The following NKAIN3 variants were observed in gnomAD, a reference collection of about 807,000 sequenced individuals.
The protein encoded by NKAIN3 is sodium/potassium-transporting ATPase subunit beta-1-interacting protein 3.
NKAIN3 carries 25 observed loss-of-function variants against 30.2 expected under a neutral mutation model. That is an observed-to-expected ratio of 0.83 (90% CI 0.60 to 1.16). The LOEUF (loss-of-function observed/expected upper bound fraction) is 1.16. Ranked by LOEUF, NKAIN3 falls within the 50% of genes most tolerant of loss-of-function variation. The pLI is 0.00. For missense variants in NKAIN3, 225 were observed against 254.1 expected (o/e 0.89, Z 0.78); for synonymous variants, 91 against 89.6 (o/e 1.02, Z -0.09).
In NKAIN3 at chr8:62,294,439, T is replaced by C. The variant is rs573602986; in HGVS notation, c.54+45312T>C. Among the ~76,000 whole-genome samples, 55 of 152,286 alleles carry C rather than the reference T, an allele frequency of 3.6e-4. 1 individual carries two copies. In the South Asian group the frequency reaches 0.011, roughly 31 times the overall value. On this transcript the variant is annotated intron_variant, in intron 1 of 6. Transcript: ENST00000623646. ...TGATGGAGAGTATCTTTCCCTCATATTCAGTATTTTTTATTTGACTACACA... is the reference window on the plus strand; with the variant it reads ...TGATGGAGAGTATCTTTCCCTCATACTCAGTATTTTTTATTTGACTACACA...
Position 62,874,027 on chromosome 8 carries a change from A to C in NKAIN3, c.472-44426A>C, listed in dbSNP as rs149646390. ...GATAGAGACATGAAAAACCCTCCAA[A>C]AAATCAACGAATTCAGGAGCTGGTT... On this transcript the variant is annotated intron_variant, in intron 4 of 6. Transcript: ENST00000623646. 2.9e-3 allele frequency among the ~76,000 whole-genome samples: 448 copies of C among 152,242 alleles called. 1 individual carries two copies. The highest frequency in any genetic ancestry group is 4.7e-3 in the Non-Finnish European group (320 of 68,008).
At chr8:62,873,344 C>T (rs1820702003) in intron 4 of NKAIN3, among the ~76,000 whole-genome samples, 1 of 151,700 alleles carries the variant, frequency 6.6e-6, no homozygotes, top group Admixed American at 6.6e-5. Context: ...AAAACAAGTT[C>T]TTAGGGACCT....
chr8:62,348,734 A>G (rs1193590894), intron 1 of NKAIN3, among the ~76,000 whole-genome samples: 2 of 152,204 alleles, frequency 1.3e-5, no homozygotes, highest in African/African-American at 4.8e-5. Flanking sequence ...AGTGAAAACT[A>G]TGTTGTATAA....
intron 1 of NKAIN3, among the ~76,000 whole-genome samples, chr8:62,532,176 G>A (rs751176336): frequency 3.3e-5 from 5 of 152,144 alleles, no homozygotes; most frequent in Non-Finnish European, 7.3e-5. Context: ...TGTTGTCCAT[G>A]AGAAATGAGA....
intron 3 of NKAIN3, among the ~76,000 whole-genome samples, chr8:62,621,060 C>T (rs1022569324): frequency 2.0e-5 from 3 of 152,172 alleles, no homozygotes; most frequent in African/African-American, 7.2e-5. Context: ...ATCGCAAGTG[C>T]TCATTTGTGG....
chr8:62,500,120 C>G (rs555488261), intron 1 of NKAIN3, among the ~76,000 whole-genome samples: 1 of 152,236 alleles, frequency 6.6e-6, no homozygotes, highest in South Asian at 2.1e-4. Context: ...ATGCCAGAGA[C>G]TTCTATCATC....
chr8:62,430,596 C>T (rs1804965575), intron 1 of NKAIN3, among the ~76,000 whole-genome samples: 1 of 151,836 alleles, frequency 6.6e-6, no homozygotes, highest in East Asian at 1.9e-4. Context: ...ATTCTCATGC[C>T]TTCATTTTTC....
At chr8:62,849,066 G>C (rs373231713) in intron 4 of NKAIN3, among the ~76,000 whole-genome samples, 31 of 152,252 alleles carry the variant, frequency 2.0e-4, no homozygotes, top group East Asian at 7.7e-4. Context: ...CAGTTTGCCA[G>C]TGTTTTGTTG....
intron 4 of NKAIN3, among the ~76,000 whole-genome samples, chr8:62,904,322 T>C (rs1486545904): frequency 6.6e-6 from 1 of 152,214 alleles, no homozygotes; most frequent in Non-Finnish European, 1.5e-5. Context: ...GAAATATCCA[T>C]AGCATTTTTG....
chr8:62,355,965 G>A (rs1243409430), intron 1 of NKAIN3, among the ~76,000 whole-genome samples: 1 of 152,088 alleles, frequency 6.6e-6, no homozygotes, highest in Non-Finnish European at 1.5e-5. Context: ...TGTAGTTTGT[G>A]GCTTTTAAAG....
At chr8:62,883,961 T>C (rs6991961) in intron 4 of NKAIN3, among the ~76,000 whole-genome samples, 23,684 of 152,234 alleles carry the variant, frequency 0.16, 2,513 homozygotes, top group African/African-American at 0.29. Context: ...TGTGTGCCTA[T>C]GATCCTGTGA....
intron 1 of NKAIN3, among the ~76,000 whole-genome samples, chr8:62,397,556 G>A (rs558592693): frequency 6.6e-6 from 1 of 152,190 alleles, no homozygotes; most frequent in East Asian, 1.9e-4. Context: ...AACTATAATG[G>A]AATTCAGAAT....
At chr8:62,920,617 A>G (rs370202101) in intron 5 of NKAIN3, among the ~76,000 whole-genome samples, 2 of 152,174 alleles carry the variant, frequency 1.3e-5, no homozygotes, top group South Asian at 2.1e-4. Flanking sequence ...AAGTTTCTCT[A>G]TAGAAATCTC....
chr8:62,956,873 A>C (rs900007103), intron 6 of NKAIN3, among the ~76,000 whole-genome samples: 2 of 152,230 alleles, frequency 1.3e-5, no homozygotes, highest in Non-Finnish European at 2.9e-5. Flanking sequence ...TCCCCAAGGA[A>C]ATTTTATGCG....
chr8:62,854,206 C>G (rs1265578186), intron 4 of NKAIN3, among the ~76,000 whole-genome samples: 2 of 152,128 alleles, frequency 1.3e-5, no homozygotes, highest in Non-Finnish European at 2.9e-5. Flanking sequence ...CTGTAGTTAT[C>G]TATCAGGTCA....
At chr8:62,850,074 G>C (rs983121893) in intron 4 of NKAIN3, among the ~76,000 whole-genome samples, 1 of 152,112 alleles carries the variant, frequency 6.6e-6, no homozygotes, top group African/African-American at 2.4e-5. Flanking sequence ...CTCACCAACA[G>C]AGTAAAAGTG....
intron 4 of NKAIN3, among the ~76,000 whole-genome samples, chr8:62,872,146 A>G (rs4276687): frequency 0.23 from 34,816 of 152,224 alleles, 4,895 homozygotes; most frequent in Non-Finnish European, 0.33. Context: ...AGCTTATACC[A>G]TATAGCCTAG....
intron 3 of NKAIN3, among the ~76,000 whole-genome samples, chr8:62,602,145 A>T (rs1811001701): frequency 6.6e-6 from 1 of 152,140 alleles, no homozygotes. Flanking sequence ...GGTAGTATTA[A>T]GAGTTTTTAA....
At chr8:62,866,599 C>A (rs1438209969) in intron 4 of NKAIN3, among the ~76,000 whole-genome samples, 1 of 152,146 alleles carries the variant, frequency 6.6e-6, no homozygotes, top group Non-Finnish European at 1.5e-5. Context: ...GATTCAATGT[C>A]TTTTTACTTT....
Sources: gnomAD v4.1 joint callset for allele counts (sites outside exome capture counted in the v4.1 genomes callset) on GRCh38, gnomAD v4.1.1 for gene constraint, MANE v1.5 for transcripts, NCBI Gene and HGNC (gene_info 2026-07-23, HGNC 2026-07-21) for gene names.